Variants in DENND1A observed in about 807,000 individuals in gnomAD.
DENND1A encodes DENN domain containing 1A.
DENND1A carries 51 observed loss-of-function variants against 113.7 expected under a neutral mutation model. The ratio of observed to expected loss-of-function variants is 0.45; its 90% CI spans 0.36 to 0.57. DENND1A has a LOEUF of 0.57. Ranked by LOEUF, DENND1A falls within the 20% of genes least tolerant of loss-of-function variation. The pLI is 0.00. For synonymous variants in DENND1A, 565 were observed against 570.8 expected, an observed-to-expected ratio of 0.99 and a Z score of 0.14; for missense variants, 1,258 against 1,395.9, an observed-to-expected ratio of 0.90 and a Z score of 1.57.
intron 13 of DENND1A, among the ~76,000 whole-genome samples, chr9:123,500,946 C>T (rs1394177880): frequency 2.6e-5 from 4 of 152,196 alleles, no homozygotes; most frequent in African/African-American, 9.6e-5. Flanking sequence ...ATACATATAG[C>T]ATAAAATTTA....
chr9:123,687,154 T>C (rs1032602233), intron 5 of DENND1A, among the ~76,000 whole-genome samples: 2 of 151,444 alleles, frequency 1.3e-5, no homozygotes, highest in Admixed American at 6.6e-5. Flanking sequence ...ACAGAGAAAG[T>C]AGGATATGAA....
At chr9:123,474,954 T>C (rs915951507) in intron 13 of DENND1A, among the ~76,000 whole-genome samples, 2 of 152,204 alleles carry the variant, frequency 1.3e-5, no homozygotes, top group Non-Finnish European at 2.9e-5. Context: ...GAGCCTCAGT[T>C]TCCTTTTCTG....
intron 10 of DENND1A, among the ~76,000 whole-genome samples, chr9:123,628,138 G>T (rs994530672): frequency 6.6e-6 from 1 of 151,938 alleles, no homozygotes; most frequent in Non-Finnish European, 1.5e-5. Flanking sequence ...CTCTCTGAGG[G>T]AGTAAATTAA....
intron 2 of DENND1A, among the ~76,000 whole-genome samples, chr9:123,839,083 A>C (rs1324696933): frequency 6.6e-6 from 1 of 152,198 alleles, no homozygotes. Context: ...GCTGAGCCAC[A>C]CGCTCGAATC....
intron 13 of DENND1A, among the ~76,000 whole-genome samples, chr9:123,536,302 T>A (rs1365405973): frequency 6.6e-6 from 1 of 151,970 alleles, no homozygotes; most frequent in Non-Finnish European, 1.5e-5. Flanking sequence ...AAACCTCGTC[T>A]CTACTAAAAA....
chr9:123,479,423 A>C (rs979116825), intron 13 of DENND1A, among the ~76,000 whole-genome samples: 11 of 152,146 alleles, frequency 7.2e-5, no homozygotes, highest in Non-Finnish European at 1.5e-4. Flanking sequence ...CTGCTGTTGA[A>C]ATTCTTTTCA....
rs73573631 is a variant in DENND1A at position 123,893,590 on chromosome 9, A to G, written c.18-14569T>C. ...ATATACATTTGTCACTTATTGCACT[A>G]TTTCAGAGGGGCTGGGCACTGTGCT... On this transcript the variant is annotated intron_variant, in intron 1 of 23. Coordinates refer to ENST00000394215, the MANE Select transcript of DENND1A (RefSeq NM_001352964.2). Among the ~76,000 whole-genome samples the G allele has an allele frequency of 9.4e-3, 1,432 of 152,206 alleles. 16 individuals are homozygous for G. Among genetic ancestry groups the G allele is most frequent in the African/African-American group, 0.032 (1,349 of 41,522 alleles).
At chr9:123,920,233 C>T (rs1347502982) in intron 1 of DENND1A, among the ~76,000 whole-genome samples, 4 of 152,138 alleles carry the variant, frequency 2.6e-5, no homozygotes, top group African/African-American at 7.2e-5. Context: ...GAGTTTGAGA[C>T]CAGCCTGGCC....
intron 20 of DENND1A, among the ~76,000 whole-genome samples, chr9:123,409,168 C>T (rs2044112658): frequency 6.6e-6 from 1 of 152,086 alleles, no homozygotes; most frequent in African/African-American, 2.4e-5. Flanking sequence ...GTCCTAGGCA[C>T]CATAAAAGGT....
chr9:123,383,877 GCTGT>G lies in DENND1A; in HGVS notation c.1793_1796del (p.Asp598AlafsTer56), dbSNP rs760746802. The G allele has an allele frequency of 3.1e-6, 5 of 1,612,550 alleles. No homozygotes were observed. The highest frequency in any genetic ancestry group is 3.3e-5 in the Admixed American group (2 of 60,008). On this transcript the variant is annotated frameshift_variant, in exon 23 of 24. Transcript: ENST00000394215. LOFTEE classifies it high-confidence loss of function. The stretch of plus-strand genomic sequence containing the variant: ...GACTCTCTGCCTCGTCGCCTTCCGC[GCTGT>G]CTGACTCCCTGAGTGTCCGATACGG...
chr9:123,819,344 T>C (rs1179965854), intron 2 of DENND1A, among the ~76,000 whole-genome samples: 1 of 152,136 alleles, frequency 6.6e-6, no homozygotes, highest in Non-Finnish European at 1.5e-5. Context: ...ATTCTTGCTA[T>C]GTATAATCCA....
chr9:123,563,287 C>T (rs1002197548), intron 12 of DENND1A, among the ~76,000 whole-genome samples: 5 of 152,166 alleles, frequency 3.3e-5, no homozygotes, highest in African/African-American at 4.8e-5. Context: ...CGACCGTGTA[C>T]CCCTGTTCCT....
chr9:123,653,175 G>T (rs2062748903), intron 8 of DENND1A, among the ~76,000 whole-genome samples: 1 of 152,166 alleles, frequency 6.6e-6, no homozygotes, highest in Non-Finnish European at 1.5e-5. Flanking sequence ...ATTATGGGCT[G>T]GGAGTAAAAA....
chr9:123,714,405 C>T (rs984461712), intron 5 of DENND1A, among the ~76,000 whole-genome samples: 5 of 152,112 alleles, frequency 3.3e-5, no homozygotes, highest in Non-Finnish European at 7.4e-5. Context: ...AGTTCGAGAC[C>T]GGCCTGGCCA....
intron 18 of DENND1A, among the ~76,000 whole-genome samples, chr9:123,450,121 T>C (rs1369135190): frequency 1.3e-5 from 2 of 150,780 alleles, no homozygotes; most frequent in African/African-American, 2.4e-5. Context: ...CCACTTTTAC[T>C]GACGGCTGGT....
At chr9:123,636,244 T>C (rs1171511235) in intron 9 of DENND1A, among the ~76,000 whole-genome samples, 2 of 152,052 alleles carry the variant, frequency 1.3e-5, no homozygotes, top group African/African-American at 4.8e-5. Context: ...AACTCAGATG[T>C]AGATGACCCC....
intron 5 of DENND1A, among the ~76,000 whole-genome samples, chr9:123,718,728 A>T (rs756743942): frequency 5.9e-5 from 9 of 152,222 alleles, no homozygotes; most frequent in South Asian, 4.1e-4. Context: ...CTGAACTGCC[A>T]TTGGAACTAC....
intron 5 of DENND1A, among the ~76,000 whole-genome samples, chr9:123,677,125 G>C (rs150234185): frequency 6.6e-6 from 1 of 152,062 alleles, no homozygotes; most frequent in African/African-American, 2.4e-5. Context: ...CCCTTTCCAG[G>C]AAAGCTTCTA....
intron 13 of DENND1A, among the ~76,000 whole-genome samples, chr9:123,528,434 T>C (rs2055022029): frequency 6.6e-6 from 1 of 152,218 alleles, no homozygotes; most frequent in Non-Finnish European, 1.5e-5. Context: ...TGGAGGCTTA[T>C]GGTGTGAAAA....
Sources: allele counts gnomAD v4.1 joint callset (sites outside exome capture counted in the v4.1 genomes callset), GRCh38; gene constraint gnomAD v4.1.1; transcripts MANE v1.5; gene names NCBI Gene and HGNC (gene_info 2026-07-23, HGNC 2026-07-21).